Variants in SLFN5 observed in about 807,000 individuals in gnomAD.
The protein encoded by SLFN5 is schlafen family member 5.
A neutral mutation model predicts 48.5 loss-of-function variants in SLFN5; 34 were observed. The observed-to-expected ratio is 0.70, with a 90% CI of 0.53 to 0.93. The LOEUF (loss-of-function observed/expected upper bound fraction) is 0.93. Among genes scored for constraint, SLFN5 ranks in the 40% least tolerant of loss-of-function variants. SLFN5 has a pLI of 0.00. For missense variants in SLFN5, 1,006 were observed against 1,071.3 expected (o/e 0.94, Z 0.85); for synonymous variants, 387 against 396.2 (o/e 0.98, Z 0.28).
At position 35,273,556 on chromosome 17, in the gene SLFN5, T is replaced by C. The variant is rs1284614146; in HGVS notation, c.*7668T>C. ...GTTTACATATGAAAAATGTAGAAAA[T>C]ACAAAAAGTGTCTATATATACAAAA... On this transcript the variant is annotated 3_prime_UTR_variant, in exon 5 of 5. Coordinates refer to ENST00000299977, the MANE Select transcript of SLFN5 (RefSeq NM_144975.4). The C allele has an allele frequency of 2.0e-5, 3 of 152,128 alleles. No individual in the cohort carries two copies. The highest frequency in any genetic ancestry group is 1.9e-4 in the East Asian group (1 of 5,202). 9.4% of individuals were successfully genotyped at this position (152,128 alleles called of 1,614,324 possible).
intron 2 of SLFN5, chr17:35,259,953 G>A: frequency 2.1e-6 from 1 of 469,070 alleles, no homozygotes; most frequent in Non-Finnish European, 3.8e-6. Flanking sequence ...GCTGGTGCAG[G>A]GGGCTGTTTG....
At chr17:35,246,149 T>A (rs72823701) in intron 1 of SLFN5, among the ~76,000 whole-genome samples, 14,304 of 152,264 alleles carry the variant, frequency 0.094, 922 homozygotes, top group East Asian at 0.29. Context: ...TGGTAAATTG[T>A]CTATTCAAGT....
intron 1 of SLFN5, among the ~76,000 whole-genome samples, chr17:35,255,765 G>T (rs1321751196): frequency 6.6e-6 from 1 of 152,148 alleles, no homozygotes; most frequent in Non-Finnish European, 1.5e-5. Flanking sequence ...AAACACACAT[G>T]TATTCACTCC....
intron 2 of SLFN5, 111 bp from the exon 3 acceptor site, chr17:35,260,860 G>A: frequency 1.5e-6 from 2 of 1,358,664 alleles, no homozygotes; most frequent in South Asian, 1.7e-5. Flanking sequence ...GCAAGTATCT[G>A]TGGGCCGTGG....
Position 35,266,206 on chromosome 17 carries a change from G to T in SLFN5, c.*318G>T. The T allele has an allele frequency of 5.1e-6, 1 of 197,906 alleles. No homozygotes were observed. The highest frequency in any genetic ancestry group is 1.0e-5 in the Non-Finnish European group (1 of 97,388). 12.3% of individuals were successfully genotyped at this position (197,906 alleles called of 1,614,324 possible). Reference sequence around the variant, plus strand: ...CGCGCGCACGTGCACATGTGTGTAGGTAGATGGAGGGGGTGATTATTTTGG... The same window carrying T: ...CGCGCGCACGTGCACATGTGTGTAGTTAGATGGAGGGGGTGATTATTTTGG... On this transcript the variant is annotated 3_prime_UTR_variant, in exon 5 of 5. Transcript: ENST00000299977.
At chr17:35,260,598 C>CA (rs1904492602) in intron 2 of SLFN5, among the ~76,000 whole-genome samples, 1 of 151,948 alleles carries the variant, frequency 6.6e-6, no homozygotes, top group African/African-American at 2.4e-5. Flanking sequence ...TGGTGACGCA[C>CA]GCCTGTAATC....
rs1904444045 is a variant in SLFN5 at position 35,259,236 on chromosome 17, G to C, written c.546G>C (p.Gln182His). ...CTTTATTTGATAGAAAGCGGCTTCA[G>C]TATCTGGAAAAACTCAACCTTCCTG... is the stretch of plus-strand genomic sequence containing the variant. ...AAALFDRKRL[Q>H]YLEKLNLPES... Residue 182 changes from glutamine to histidine, a missense_variant, in exon 2 of 5, where the codon CAG becomes CAC. Physicochemically the swap from Gln to His is conservative, Grantham distance 24. Coordinates refer to ENST00000299977, the MANE Select transcript of SLFN5 (RefSeq NM_144975.4). 1 of 1,614,136 alleles carries C rather than the reference G, an allele frequency of 6.2e-7. No individual in the cohort carries two copies. Among genetic ancestry groups the C allele is most frequent in the African/African-American group, 1.3e-5 (1 of 75,048 alleles).
In SLFN5 at chr17:35,265,214, A is replaced by C; in HGVS notation, c.2002A>C (p.Ile668Leu). ...DGDWYGKAKF[I>L]TQTARDGPGV... is the part of the protein sequence containing the mutation. ...GGACTGGTATGGGAAAGCAAAGTTC[A>C]TCACTCAGACAGCAAGGGATGGCCC... The change falls in exon 5 of 5, where the codon ATC (isoleucine) becomes CTC (leucine). Residue 668 changes from isoleucine to leucine, a missense_variant. Ile to Leu is a conservative substitution (Grantham distance 5). Transcript: ENST00000299977. 6.2e-7 allele frequency: 1 copy of C among 1,614,244 alleles called. No individual in the cohort carries two copies. Among genetic ancestry groups the C allele is most frequent in the Non-Finnish European group, 8.5e-7 (1 of 1,180,042 alleles).
chr17:35,264,099 T>A lies in SLFN5; in HGVS notation c.1139-84T>A, dbSNP rs1350879476. 2.1e-6 allele frequency: 3 copies of A among 1,457,988 alleles called. No homozygotes were observed. The African/African-American group carries it at 4.2e-5, about 21-fold the overall frequency. 90.3% of individuals were successfully genotyped at this position (1,457,988 alleles called of 1,614,324 possible). On this transcript the variant is annotated intron_variant, in intron 3 of 4. Coordinates refer to ENST00000299977, the MANE Select transcript of SLFN5 (RefSeq NM_144975.4). ...TTGTAGATACATAGTAGAGTCCCAG[T>A]GTTGATTAATTCTTCTACGTATAAT... is the stretch of plus-strand genomic sequence containing the variant.
rs372096435 is a variant in SLFN5, at chr17:35,271,570, C to T, written c.*5682C>T. On this transcript the variant is annotated 3_prime_UTR_variant, in exon 5 of 5. Coordinates refer to ENST00000299977, the MANE Select transcript of SLFN5 (RefSeq NM_144975.4). The stretch of plus-strand genomic sequence containing the variant: ...GCAACAATAAAACTATACAATGAAA[C>T]TAAAGAGCACAAAAAAGAACTTAAA... The T allele has an allele frequency of 6.6e-6, 1 of 151,944 alleles. No homozygotes were observed. 9.4% of individuals were successfully genotyped at this position (151,944 alleles called of 1,614,324 possible).
intron 1 of SLFN5, among the ~76,000 whole-genome samples, chr17:35,246,212 A>C (rs557885802): frequency 4.7e-4 from 71 of 152,246 alleles, no homozygotes; most frequent in African/African-American, 1.5e-3. Context: ...TGAGTGTTCT[A>C]TATATAATCT....
In SLFN5 at chr17:35,265,494, T is replaced by A; in HGVS notation, c.2282T>A (p.Ile761Asn). Reference sequence around the variant, plus strand: ...GGTGTCCCAGGCAACTTAGAGATTATTGAAGACTTGAACTTGGAGGAGATA... The same window carrying A: ...GGTGTCCCAGGCAACTTAGAGATTAATGAAGACTTGAACTTGGAGGAGATA... Reference protein sequence around the residue: ...AQGVPGNLEIIEDLNLEEILI... With the variant: ...AQGVPGNLEINEDLNLEEILI... The change falls in exon 5 of 5, where the codon ATT (isoleucine) becomes AAT (asparagine). Residue 761 changes from isoleucine to asparagine, a missense_variant. By Grantham distance (149) the Ile-to-Asn change is moderately radical (BLOSUM62 -3). Transcript: ENST00000299977. 1 of 1,614,256 alleles carries A rather than the reference T, an allele frequency of 6.2e-7. No homozygotes were observed. The highest frequency in any genetic ancestry group is 8.5e-7 in the Non-Finnish European group (1 of 1,180,050).
At position 35,251,031 on chromosome 17, in the gene SLFN5, T is replaced by G. The variant is rs1357992866; in HGVS notation, c.-40-7620T>G. ...TTTCTGAAATTGGAGCACCTCTTTA[T>G]GGATTGACTGTCTTCAGTGAGGGAT... On this transcript the variant is annotated intron_variant, in intron 1 of 4. Coordinates refer to ENST00000299977, the MANE Select transcript of SLFN5 (RefSeq NM_144975.4). 3.9e-5 allele frequency among the ~76,000 whole-genome samples: 6 copies of G among 152,216 alleles called. No individual in the cohort carries two copies. In the South Asian group the frequency reaches 1.2e-3, roughly 32 times the overall value.
At chr17:35,253,690 G>GTT (rs57606643) in intron 1 of SLFN5, among the ~76,000 whole-genome samples, 108 of 76,064 alleles carry the variant, frequency 1.4e-3, no homozygotes, top group Non-Finnish European at 1.7e-3. Context: ...ATAGCTAACA[G>GTT]TTTTTTTTTT....
rs1394391909 is a variant in SLFN5 at position 35,268,409 on chromosome 17, CAG to C, written c.*2522_*2523del. On this transcript the variant is annotated 3_prime_UTR_variant, in exon 5 of 5. Transcript: ENST00000299977. ...ACCCATCCTGAAAGGATATATAACT[CAG>C]GGGACAAAAGACAACTCACCATAAG... is the stretch of plus-strand genomic sequence containing the variant. 1.3e-5 allele frequency: 2 copies of C among 152,212 alleles called. No individual in the cohort carries two copies. The highest frequency in any genetic ancestry group is 1.5e-5 in the Non-Finnish European group (1 of 68,046). The allele number at this position is 152,212 out of a possible 1,614,324, so 9.4% of individuals were successfully genotyped here.
Position 35,264,553 on chromosome 17 carries a change from A to G in SLFN5, c.1509A>G (p.Ala503=). ...GTGTGCTGAATTCTGATAGAAAAGC[A>G]CAGAGCGTTTACAGTTCGTATTTAC... ...LVCVLNSDRK[A]QSVYSSYLQI... is the part of the protein sequence containing the mutation. The change falls in exon 4 of 5, where the codon GCA becomes GCG. Residue 503 remains alanine, a synonymous_variant. Transcript: ENST00000299977. 1.2e-6 allele frequency: 2 copies of G among 1,614,186 alleles called. No individual in the cohort carries two copies. Among genetic ancestry groups the G allele is most frequent in the South Asian group, 1.1e-5 (1 of 91,066 alleles).
In SLFN5 at chr17:35,265,428, CT is replaced by C; in HGVS notation, c.2217del (p.Ser741ProfsTer3). ...CAAAATCCTCCACCTAACCTCCCCCCTGGGTCCCTGGTGATGCTCTATGAAC... is the reference window on the plus strand; with the variant it reads ...CAAAATCCTCCACCTAACCTCCCCCCGGGTCCCTGGTGATGCTCTATGAAC... ...ARQNPPPNLP[P>X]GSLVMLYEPK... is the part of the protein sequence containing the mutation. On this transcript the variant is annotated frameshift_variant, in exon 5 of 5. Transcript: ENST00000299977. LOFTEE classifies it low-confidence loss of function (END_TRUNC). 3.7e-6 allele frequency: 6 copies of C among 1,614,226 alleles called. No homozygotes were observed. The highest frequency in any genetic ancestry group is 4.2e-6 in the Non-Finnish European group (5 of 1,180,048).
At position 35,263,297 on chromosome 17, in the gene SLFN5, A is replaced by T. The variant is rs139362986; in HGVS notation, c.1139-886A>T. 5.9e-4 allele frequency among the ~76,000 whole-genome samples: 89 copies of T among 151,340 alleles called. 1 individual carries two copies. The East Asian group carries it at 0.015, about 26-fold the overall frequency. On this transcript the variant is annotated intron_variant, in intron 3 of 4. Coordinates refer to ENST00000299977, the MANE Select transcript of SLFN5 (RefSeq NM_144975.4). The stretch of plus-strand genomic sequence containing the variant: ...AGGCACGCACCACCATGCCCGGCTA[A>T]GTTTTGTATTTTTTGTAGAGATGGG...
intron 3 of SLFN5, among the ~76,000 whole-genome samples, chr17:35,261,622 G>A (rs1904521666): frequency 6.6e-6 from 1 of 151,432 alleles, no homozygotes; most frequent in Non-Finnish European, 1.5e-5. Flanking sequence ...TTCCACCTGA[G>A]CTTCCCAAAG....
Sources: gnomAD v4.1 joint callset for allele counts (sites outside exome capture counted in the v4.1 genomes callset) on GRCh38, gnomAD v4.1.1 for gene constraint, MANE v1.5 for transcripts, NCBI Gene and HGNC (gene_info 2026-07-23, HGNC 2026-07-21) for gene names.